The following FARS2 variants were observed in gnomAD, a reference collection of about 807,000 sequenced individuals.
FARS2 encodes the protein phenylalanyl-tRNA synthetase 2, mitochondrial, also known as phenylalanine--tRNA ligase, mitochondrial.
A neutral mutation model predicts 46.4 loss-of-function variants in FARS2; 40 were observed. The observed-to-expected ratio is 0.86, with a 90% CI of 0.67 to 1.12. The LOEUF is 1.12. FARS2 is among the 50% of genes most tolerant of loss of function. FARS2 has a pLI of 0.00. For missense variants in FARS2, 513 were observed against 567.9 expected (o/e 0.90, Z 0.98); for synonymous variants, 234 against 214.9 (o/e 1.09, Z -0.78).
chr6:5,432,001 A>T lies in FARS2; in HGVS notation c.904+829A>T, dbSNP rs186270438. ...TGAAAGTTACTATCTGAATTTAATT[A>T]AAAAATTTAATATAATTTAATTAAT... On this transcript the variant is annotated intron_variant, in intron 4 of 6. Coordinates refer to ENST00000274680, the MANE Select transcript of FARS2 (RefSeq NM_006567.5). 1.5e-3 allele frequency among the ~76,000 whole-genome samples: 227 copies of T among 151,764 alleles called. 5 individuals are homozygous for T. In the East Asian group the frequency reaches 0.028, roughly 19 times the overall value.
chr6:5,511,765 T>C (rs1030337764), intron 4 of FARS2, among the ~76,000 whole-genome samples: 6 of 152,252 alleles, frequency 3.9e-5, no homozygotes, highest in Admixed American at 6.5e-5. Flanking sequence ...GTTATATTAA[T>C]GATTTCTTCT....
chr6:5,761,136 A>G (rs1233755863), intron 6 of FARS2, among the ~76,000 whole-genome samples: 1 of 152,152 alleles, frequency 6.6e-6, no homozygotes, highest in Admixed American at 6.5e-5. Flanking sequence ...CTTGTGCTTT[A>G]ACATCTAGAC....
intron 4 of FARS2, among the ~76,000 whole-genome samples, chr6:5,508,239 C>T (rs780303389): frequency 6.6e-6 from 1 of 152,164 alleles, no homozygotes; most frequent in Admixed American, 6.5e-5. Context: ...GAATTTTCAC[C>T]AGGAATGTAG....
At chr6:5,422,666 C>T (rs1762618636) in intron 3 of FARS2, among the ~76,000 whole-genome samples, 1 of 152,188 alleles carries the variant, frequency 6.6e-6, no homozygotes, top group Non-Finnish European at 1.5e-5. Context: ...AGTGTATATG[C>T]CAGCCTCACA....
rs796826157 is a variant in FARS2 at position 5,557,711 on chromosome 6, A to G, written c.1065+12371A>G. On this transcript the variant is annotated intron_variant, in intron 5 of 6. Transcript: ENST00000274680. ...ACTGGAAAAACTGTTGCAGCCTACAATCTATCTTCTGCTGACTAATGCTTG... is the reference window on the plus strand; with the variant it reads ...ACTGGAAAAACTGTTGCAGCCTACAGTCTATCTTCTGCTGACTAATGCTTG... Among the ~76,000 whole-genome samples the G allele has an allele frequency of 2.0e-4, 30 of 152,250 alleles. 1 individual carries two copies. Among genetic ancestry groups the G allele is most frequent in the African/African-American group, 6.5e-4 (27 of 41,516 alleles).
intron 4 of FARS2, among the ~76,000 whole-genome samples, chr6:5,494,027 T>G (rs886539110): frequency 2.0e-5 from 3 of 152,134 alleles, no homozygotes; most frequent in African/African-American, 7.2e-5. Context: ...TTATTGGAGT[T>G]CCTGTCAGAA....
chr6:5,511,797 C>A (rs74883335), intron 4 of FARS2, among the ~76,000 whole-genome samples: 2,634 of 152,274 alleles, frequency 0.017, 59 homozygotes, highest in African/African-American at 0.06. Context: ...ATCTAGAAGT[C>A]TCATAAGCAC....
At chr6:5,355,706 T>TACAC (rs373313745) in intron 1 of FARS2, among the ~76,000 whole-genome samples, 9 of 150,834 alleles carry the variant, frequency 6.0e-5, no homozygotes, top group African/African-American at 2.2e-4. Context: ...AATATTCACA[T>TACAC]ACACACACAC....
chr6:5,480,631 G>T (rs1447456820), intron 4 of FARS2, among the ~76,000 whole-genome samples: 2 of 152,158 alleles, frequency 1.3e-5, no homozygotes, highest in Admixed American at 6.5e-5. Flanking sequence ...GCACATTTTG[G>T]GAAATTGTCA....
chr6:5,662,103 T>C (rs1000832884), intron 6 of FARS2, among the ~76,000 whole-genome samples: 7 of 152,370 alleles, frequency 4.6e-5, no homozygotes, highest in African/African-American at 1.7e-4. Context: ...ATATTTGACA[T>C]GGAACTAGTC....
chr6:5,741,316 G>A (rs768255843), intron 6 of FARS2, among the ~76,000 whole-genome samples: 6 of 152,352 alleles, frequency 3.9e-5, no homozygotes, highest in South Asian at 2.1e-4. Context: ...TGCACAGGGC[G>A]TGTGGATGCT....
At chr6:5,263,455 G>A (rs1765335067) in intron 1 of FARS2, among the ~76,000 whole-genome samples, 1 of 152,078 alleles carries the variant, frequency 6.6e-6, no homozygotes. Context: ...TGCCTGGAGA[G>A]GCTAAAAGAA....
intron 3 of FARS2, among the ~76,000 whole-genome samples, chr6:5,422,735 A>G (rs561281362): frequency 1.3e-5 from 2 of 152,358 alleles, no homozygotes; most frequent in Admixed American, 1.3e-4. Context: ...TGCCCAGCAT[A>G]TAGTAAATGA....
chr6:5,435,600 G>A (rs762940752), intron 4 of FARS2, among the ~76,000 whole-genome samples: 8 of 152,082 alleles, frequency 5.3e-5, no homozygotes, highest in Admixed American at 2.0e-4. Flanking sequence ...TTTTTCCTTA[G>A]GGAGGTATTT....
At chr6:5,660,871 G>T (rs1215536851) in intron 6 of FARS2, among the ~76,000 whole-genome samples, 1 of 152,208 alleles carries the variant, frequency 6.6e-6, no homozygotes, top group Non-Finnish European at 1.5e-5. Flanking sequence ...AGACCACACT[G>T]GGCCTCTTTG....
intron 5 of FARS2, among the ~76,000 whole-genome samples, chr6:5,580,456 C>A (rs1773267484): frequency 6.6e-6 from 1 of 152,064 alleles, no homozygotes; most frequent in African/African-American, 2.4e-5. Flanking sequence ...GTAGTCTGGT[C>A]AACCAGAAAA....
chr6:5,368,868 C>CTACT lies in FARS2; in HGVS notation c.298_299insTACT (p.Gln100LeufsTer29), dbSNP rs1561989970. ...GAGGGTGAAGGAGCACTTCTACAAG[C>CTACT]AGTATGTGGGCCGCTTTGGGACCCC... is the stretch of plus-strand genomic sequence containing the variant. On this transcript the variant is annotated frameshift_variant, in exon 2 of 7. Coordinates refer to ENST00000274680, the MANE Select transcript of FARS2 (RefSeq NM_006567.5). LOFTEE classifies it high-confidence loss of function. The CTACT allele has an allele frequency of 6.2e-7, 1 of 1,614,048 alleles. No individual in the cohort carries two copies. The highest frequency in any genetic ancestry group is 8.5e-7 in the Non-Finnish European group (1 of 1,180,028).
intron 4 of FARS2, among the ~76,000 whole-genome samples, chr6:5,469,380 G>C (rs931269401): frequency 6.6e-6 from 1 of 152,230 alleles, no homozygotes; most frequent in Non-Finnish European, 1.5e-5. Flanking sequence ...TATCCCTGCT[G>C]TGTGTCCTTC....
intron 4 of FARS2, among the ~76,000 whole-genome samples, chr6:5,432,354 T>TA (rs1763248840): frequency 9.1e-6 from 1 of 109,928 alleles, no homozygotes; most frequent in African/African-American, 3.2e-5. Context: ...ATATATATTA[T>TA]ATATATATAA....
Sources: gnomAD v4.1 joint callset for allele counts (sites outside exome capture counted in the v4.1 genomes callset) on GRCh38, gnomAD v4.1.1 for gene constraint, MANE v1.5 for transcripts, NCBI Gene and HGNC (gene_info 2026-07-23, HGNC 2026-07-21) for gene names.